Variants in QTRT2 observed in about 807,000 individuals in gnomAD.
QTRT2 encodes queuine tRNA-ribosyltransferase accessory subunit 2.
Under a neutral mutation model 44.8 loss-of-function variants are expected in QTRT2, and 32 were observed. The observed-to-expected ratio is 0.71, with a 90% confidence interval of 0.54 to 0.96. The LOEUF (loss-of-function observed/expected upper bound fraction) is 0.96, where lower values mean the gene tolerates loss of function less well. QTRT2 is among the 40% of genes least tolerant of loss of function. The pLI, the probability that QTRT2 is intolerant of heterozygous loss-of-function variation, is 0.00. For synonymous variants in QTRT2, 182 were observed against 187.4 expected (o/e 0.97, Z 0.24); for missense variants, 461 against 503.1 (o/e 0.92, Z 0.80).
At chr3:114,083,941 T>C (rs916326933) in intron 9 of QTRT2, among the ~76,000 whole-genome samples, 1 of 152,208 alleles carries the variant, frequency 6.6e-6, no homozygotes, top group African/African-American at 2.4e-5. Flanking sequence ...ATGTTATAGA[T>C]TTAATTGGAA....
rs1212420504 is a variant in QTRT2 at position 114,086,080 on chromosome 3, A to G, written c.*176A>G. 6 of 588,482 alleles carry G rather than the reference A, an allele frequency of 1.0e-5. No individual in the cohort carries two copies. Among genetic ancestry groups the G allele is most frequent in the African/African-American group, 1.9e-5 (1 of 53,620 alleles). The allele number at this position is 588,482 out of a possible 1,614,324, so 36.5% of individuals were successfully genotyped here. ...ACATGAGGGTGAAGAGATTTCCTCA[A>G]AAGACTTAAATGACCTGGATTGATC... On this transcript the variant is annotated 3_prime_UTR_variant, in exon 10 of 10. Coordinates refer to ENST00000281273, the MANE Select transcript of QTRT2 (RefSeq NM_024638.4).
rs184946146 is a variant in QTRT2 at position 114,085,970 on chromosome 3, G to A, written c.*66G>A. The A allele has an allele frequency of 2.7e-4, 329 of 1,199,162 alleles. No individual in the cohort carries two copies. The highest frequency in any genetic ancestry group is 3.7e-4 in the Non-Finnish European group (294 of 805,426). The allele number at this position is 1,199,162 out of a possible 1,614,324, so 74.3% of individuals were successfully genotyped here. On this transcript the variant is annotated 3_prime_UTR_variant, in exon 10 of 10. Transcript: ENST00000281273. ...TACCACTGTTGTAACATGGGAAGAC[G>A]TGAAGAAGAAATAATCTGAGCTTTA...
intron 7 of QTRT2, chr3:114,078,995 A>C (rs62267096): frequency 6.6e-6 from 1 of 152,104 alleles, no homozygotes; most frequent in Non-Finnish European, 1.5e-5. Flanking sequence ...AAATTAACTT[A>C]TGAGGGATAT....
chr3:114,057,090 C>G lies in QTRT2; in HGVS notation c.-38C>G. ...TCTGAGATAAAAGGGCCCCTTTCGA[C>G]TAGCCTCTGCTGAAAGGTAGAGTTT... is the stretch of plus-strand genomic sequence containing the variant. On this transcript the variant is annotated 5_prime_UTR_variant, in exon 2 of 10. Transcript: ENST00000281273. 7.3e-7 allele frequency: 1 copy of G among 1,361,622 alleles called. No individual in the cohort carries two copies. The highest frequency in any genetic ancestry group is 9.4e-7 in the Non-Finnish European group (1 of 1,060,116). 84.3% of individuals were successfully genotyped at this position (1,361,622 alleles called of 1,614,324 possible).
chr3:114,080,915 CAAAAT>C (rs2077158138), intron 8 of QTRT2, among the ~76,000 whole-genome samples: 2 of 152,160 alleles, frequency 1.3e-5, no homozygotes, highest in Admixed American at 1.3e-4. Context: ...CTCCTGGAAA[CAAAAT>C]AAATCAAGTT....
chr3:114,062,154 G>A (rs891236574), intron 2 of QTRT2, among the ~76,000 whole-genome samples: 6 of 152,070 alleles, frequency 3.9e-5, no homozygotes, highest in Admixed American at 2.0e-4. Context: ...TCACTTGAGC[G>A]CAGGAGTTTG....
intron 7 of QTRT2, chr3:114,078,278 GT>G (rs1286938869): frequency 2.0e-5 from 3 of 152,180 alleles, no homozygotes; most frequent in Non-Finnish European, 4.4e-5. Context: ...ACAGATGTCT[GT>G]TACTGAATTT....
In QTRT2 at chr3:114,060,472, A is replaced by ATAGG. The variant is rs796649795; in HGVS notation, c.-22+3390_-22+3393dup. Among the ~76,000 whole-genome samples the ATAGG allele has an allele frequency of 8.9e-3, 1,310 of 146,674 alleles. 17 individuals carry two copies. The highest frequency in any genetic ancestry group is 0.015 in the African/African-American group (580 of 39,228). The stretch of plus-strand genomic sequence containing the variant: ...GCAAATGGTTCCAAACCCCAGATAG[A>ATAGG]TAGGTAGGTAGGTAGGTAGGTAGGT... On this transcript the variant is annotated intron_variant, in intron 2 of 9. Transcript: ENST00000281273.
At chr3:114,082,886 T>C in intron 9 of QTRT2, 92 bp downstream of exon 9, 1 of 664,874 alleles carries the variant, frequency 1.5e-6, no homozygotes, top group Non-Finnish European at 2.7e-6. Flanking sequence ...AATTTATGAT[T>C]TCATAAAATA....
chr3:114,083,033 A>C (rs762265190), intron 9 of QTRT2: 5 of 480,290 alleles, frequency 1.0e-5, no homozygotes, highest in Non-Finnish European at 1.9e-5. Context: ...AGCTGACAGA[A>C]AGATTAAACC....
chr3:114,071,109 A>G (rs574345784), intron 6 of QTRT2, among the ~76,000 whole-genome samples: 1 of 152,278 alleles, frequency 6.6e-6, no homozygotes, highest in South Asian at 2.1e-4. Context: ...TGTATATACT[A>G]TCAAGATTAT....
At chr3:114,074,095 C>T (rs1403588864) in intron 6 of QTRT2, among the ~76,000 whole-genome samples, 1 of 152,190 alleles carries the variant, frequency 6.6e-6, no homozygotes, top group Non-Finnish European at 1.5e-5. Flanking sequence ...GTCACATCTG[C>T]TGTGGAATCA....
chr3:114,076,461 C>T (rs760609279), intron 6 of QTRT2, among the ~76,000 whole-genome samples: 3 of 152,210 alleles, frequency 2.0e-5, no homozygotes, highest in Non-Finnish European at 4.4e-5. Context: ...CCTGAGCCAC[C>T]ACACCTGATC....
chr3:114,083,433 A>C (rs1246623209), intron 9 of QTRT2, among the ~76,000 whole-genome samples: 1 of 152,108 alleles, frequency 6.6e-6, no homozygotes, highest in African/African-American at 2.4e-5. Context: ...AGTTCCTTTG[A>C]GCATCATGTT....
chr3:114,086,023 C>T lies in QTRT2; in HGVS notation c.*119C>T. 1 of 818,292 alleles carries T rather than the reference C, an allele frequency of 1.2e-6. No homozygotes were observed. Among genetic ancestry groups the T allele is most frequent in the South Asian group, 1.7e-5 (1 of 59,572 alleles). The allele number at this position is 818,292 out of a possible 1,614,324, so 50.7% of individuals were successfully genotyped here. A position where few individuals can be genotyped will look rare whatever the true frequency, so the allele number is the denominator to read the frequency against. ...TATTTATATTTGGATATAAGGTCTG[C>T]TTAAATAAAGAATCTTTGTACCAAA... On this transcript the variant is annotated 3_prime_UTR_variant, in exon 10 of 10. Transcript: ENST00000281273.
chr3:114,066,317 T>C, intron 4 of QTRT2, 34 bp downstream of exon 4: 1 of 1,331,532 alleles, frequency 7.5e-7, no homozygotes, highest in Non-Finnish European at 1.1e-6. Context: ...TGCCTTGTGA[T>C]GTGTTAATTT....
At position 114,056,999 on chromosome 3, in the gene QTRT2, G is replaced by C; in HGVS notation, c.-129G>C. 3 of 1,429,792 alleles carry C rather than the reference G, an allele frequency of 2.1e-6. No homozygotes were observed. The highest frequency in any genetic ancestry group is 2.7e-6 in the Non-Finnish European group (3 of 1,096,894). 88.6% of individuals were successfully genotyped at this position (1,429,792 alleles called of 1,614,324 possible). ...ATGTCTCCTCTGCTTCCCTTTTCAG[G>C]GTGTCCTGGTGGATTGGTTTCTGTA... On this transcript the variant is annotated splice_region_variant and 5_prime_UTR_variant, in exon 2 of 10. Transcript: ENST00000281273.
Position 114,085,779 on chromosome 3 carries a change from G to A in QTRT2, c.1123G>A (p.Ala375Thr). 1.2e-6 allele frequency: 2 copies of A among 1,614,164 alleles called. No homozygotes were observed. The highest frequency in any genetic ancestry group is 1.7e-6 in the Non-Finnish European group (2 of 1,180,024). Residue 375 changes from alanine to threonine, a missense_variant, in exon 10 of 10, where the codon GCC becomes ACC. Coordinates refer to ENST00000281273, the MANE Select transcript of QTRT2 (RefSeq NM_024638.4). Reference protein sequence around the residue: ...HHLLVTNELLAGVLLMMHNFE... With the variant: ...HHLLVTNELLTGVLLMMHNFE... The stretch of plus-strand genomic sequence containing the variant: ...TCTGCTGGTGACCAATGAGCTGCTG[G>A]CCGGAGTCCTGCTTATGATGCACAA...
At chr3:114,056,949 C>G in intron 1 of QTRT2, 50 bp from the exon 2 acceptor site, 2 of 1,501,088 alleles carry the variant, frequency 1.3e-6, no homozygotes, top group Non-Finnish European at 1.8e-6. Context: ...GGTTGTGTTG[C>G]AGTAACGGTG....
Sources: gnomAD v4.1 joint callset for allele counts (sites outside exome capture counted in the v4.1 genomes callset) on GRCh38, gnomAD v4.1.1 for gene constraint, MANE v1.5 for transcripts, NCBI Gene and HGNC (gene_info 2026-07-23, HGNC 2026-07-21) for gene names.